Variants in ATP8A2 observed in about 807,000 individuals in gnomAD.
The protein encoded by ATP8A2 is ATPase phospholipid transporting 8A2, also known as phospholipid-transporting ATPase IB.
A neutral mutation model predicts 165.6 loss-of-function variants in ATP8A2; 100 were observed. The observed-to-expected ratio is 0.60, with a 90% CI of 0.51 to 0.71. The LOEUF is 0.71. Ranked by LOEUF, ATP8A2 falls within the 30% of genes least tolerant of loss-of-function variation. The probability of loss-of-function intolerance (pLI) is 0.00; values close to 1 mark genes in which losing one functional copy is unlikely to be tolerated. For synonymous variants in ATP8A2, 543 were observed against 548.8 expected (o/e 0.99, Z 0.15); for missense variants, 1,227 against 1,479.5 (o/e 0.83, Z 2.80).
rs933182697 is a variant in ATP8A2, at chr13:26,024,928, G to A, written c.*4943G>A. 1.3e-5 allele frequency: 2 copies of A among 151,994 alleles called. No individual in the cohort carries two copies. Among genetic ancestry groups the A allele is most frequent in the African/African-American group, 4.8e-5 (2 of 41,350 alleles). The allele number at this position is 151,994 out of a possible 1,614,324, so 9.4% of individuals were successfully genotyped here. A position where few individuals can be genotyped will look rare whatever the true frequency, so the allele number is the denominator to read the frequency against. On this transcript the variant is annotated 3_prime_UTR_variant, in exon 37 of 37. Transcript: ENST00000381655. ...AATAACCCTGCCCAGGAAACTTGGGGGTCAAGAGAGCTTATCAAGAGCCTT... is the reference window on the plus strand; with the variant it reads ...AATAACCCTGCCCAGGAAACTTGGGAGTCAAGAGAGCTTATCAAGAGCCTT...
chr13:26,004,174 AT>A, intron 35 of ATP8A2, among the ~76,000 whole-genome samples: 1 of 151,894 alleles, frequency 6.6e-6, no homozygotes, highest in African/African-American at 2.4e-5. Context: ...ATTTACTTGT[AT>A]TTTCTGCAAT....
chr13:25,439,907 TAA>T (rs11312275), intron 1 of ATP8A2, among the ~76,000 whole-genome samples: 120 of 147,092 alleles, frequency 8.2e-4, no homozygotes, highest in African/African-American at 2.5e-3. Context: ...ACCCTGTCTA[TAA>T]AAAAAAAAAA....
In ATP8A2 at chr13:25,915,899, A is replaced by C. The variant is rs528432758; in HGVS notation, c.3184-45676A>C. On this transcript the variant is annotated intron_variant, in intron 33 of 36. Coordinates refer to ENST00000381655, the MANE Select transcript of ATP8A2 (RefSeq NM_016529.6). ...GACTAAAATTATGTTGTTCTCTACC[A>C]GTGCGTTGGTCCATTTATCATAATG... Among the ~76,000 whole-genome samples, 3 of 152,386 alleles carry C rather than the reference A, an allele frequency of 2.0e-5. No individual in the cohort carries two copies. The South Asian group carries it at 6.2e-4, about 32-fold the overall frequency.
chr13:25,976,876 C>T (rs899184081), intron 35 of ATP8A2, among the ~76,000 whole-genome samples: 1 of 152,154 alleles, frequency 6.6e-6, no homozygotes, highest in Admixed American at 6.5e-5. Flanking sequence ...GCAACCTCTG[C>T]CTCCCAGGTT....
chr13:25,666,672 G>C (rs557149420), intron 24 of ATP8A2, among the ~76,000 whole-genome samples: 1 of 151,876 alleles, frequency 6.6e-6, no homozygotes, highest in East Asian at 1.9e-4. Context: ...CCTTTTTTTT[G>C]TTACATATGT....
chr13:26,008,697 T>C (rs993020878), intron 35 of ATP8A2, among the ~76,000 whole-genome samples: 13 of 152,156 alleles, frequency 8.5e-5, no homozygotes, highest in African/African-American at 3.1e-4. Context: ...GGAATTATTG[T>C]AAAAGCAACC....
intron 2 of ATP8A2, among the ~76,000 whole-genome samples, chr13:25,474,678 T>A (rs1458526810): frequency 6.6e-6 from 1 of 151,698 alleles, no homozygotes; most frequent in Non-Finnish European, 1.5e-5. Context: ...CCTAATTTTT[T>A]TTTTAACCTT....
chr13:25,745,928 C>G (rs1007862741), intron 25 of ATP8A2, among the ~76,000 whole-genome samples: 2 of 152,292 alleles, frequency 1.3e-5, no homozygotes, highest in Non-Finnish European at 2.9e-5. Flanking sequence ...CTGAATGTGA[C>G]AGCATGCTAG....
intron 33 of ATP8A2, among the ~76,000 whole-genome samples, chr13:25,883,985 T>C (rs1425897640): frequency 2.0e-5 from 3 of 152,144 alleles, no homozygotes; most frequent in Admixed American, 2.0e-4. Flanking sequence ...GGTTATTTTA[T>C]CCCTTTTGTG....
At chr13:25,712,231 G>T (rs187764509) in intron 25 of ATP8A2, among the ~76,000 whole-genome samples, 166 of 152,188 alleles carry the variant, frequency 1.1e-3, no homozygotes, top group African/African-American at 3.9e-3. Context: ...TGGCTTAATG[G>T]GTCAGGGGTG....
At chr13:25,595,161 A>G (rs2040204049) in intron 24 of ATP8A2, among the ~76,000 whole-genome samples, 2 of 152,192 alleles carry the variant, frequency 1.3e-5, no homozygotes, top group South Asian at 4.1e-4. Flanking sequence ...ATTTGGATAA[A>G]AGTGTAGTTT....
intron 33 of ATP8A2, among the ~76,000 whole-genome samples, chr13:25,942,770 A>T (rs1392269578): frequency 6.6e-6 from 1 of 152,166 alleles, no homozygotes; most frequent in Admixed American, 6.5e-5. Flanking sequence ...TATGTTCTCT[A>T]AAAACTAATC....
At chr13:25,564,156 G>T in intron 16 of ATP8A2, 125 bp downstream of exon 16, 1 of 693,110 alleles carries the variant, frequency 1.4e-6, no homozygotes. Context: ...TTGATGATGT[G>T]AGTCCTTCTG....
At position 26,009,775 on chromosome 13, in the gene ATP8A2, C is replaced by A. The variant is rs191811638; in HGVS notation, c.3378-2756C>A. On this transcript the variant is annotated intron_variant, in intron 35 of 36. Transcript: ENST00000381655. Reference sequence around the variant, plus strand: ...AAGAAGTCACATTTTTAAATAATATCTCATTATAGGCTGAGCACAGTGGCT... The same window carrying A: ...AAGAAGTCACATTTTTAAATAATATATCATTATAGGCTGAGCACAGTGGCT... Among the ~76,000 whole-genome samples, 16 of 152,300 alleles carry A rather than the reference C, an allele frequency of 1.1e-4. No individual in the cohort carries two copies. In the East Asian group the frequency reaches 3.1e-3, roughly 29 times the overall value.
At chr13:25,533,774 T>C (rs1271975434) in intron 6 of ATP8A2, among the ~76,000 whole-genome samples, 1 of 152,188 alleles carries the variant, frequency 6.6e-6, no homozygotes, top group Non-Finnish European at 1.5e-5. Flanking sequence ...AAAGCTTTGC[T>C]TCCACGTCCC....
chr13:25,403,833 G>A (rs1414357044), intron 1 of ATP8A2, among the ~76,000 whole-genome samples: 1 of 152,174 alleles, frequency 6.6e-6, no homozygotes, highest in African/African-American at 2.4e-5. Flanking sequence ...AGTTGGGAGT[G>A]TCCATGAAAA....
At chr13:25,962,922 A>G (rs957573244) in intron 34 of ATP8A2, among the ~76,000 whole-genome samples, 2 of 152,078 alleles carry the variant, frequency 1.3e-5, no homozygotes, top group Non-Finnish European at 2.9e-5. Flanking sequence ...CCTGTTCACT[A>G]AGTTTTTTAA....
chr13:25,762,205 G>T (rs1411764874), intron 25 of ATP8A2, among the ~76,000 whole-genome samples: 1 of 136,578 alleles, frequency 7.3e-6, no homozygotes, highest in African/African-American at 2.7e-5. Context: ...GGAGGCGGAG[G>T]TTGCAGTGAG....
At chr13:25,686,120 G>C (rs2042595533) in intron 24 of ATP8A2, among the ~76,000 whole-genome samples, 1 of 152,192 alleles carries the variant, frequency 6.6e-6, no homozygotes. Flanking sequence ...TTCTCTGGGT[G>C]GTGTTCCATA....
Sources: gnomAD v4.1 joint callset for allele counts (sites outside exome capture counted in the v4.1 genomes callset) on GRCh38, gnomAD v4.1.1 for gene constraint, MANE v1.5 for transcripts, NCBI Gene and HGNC (gene_info 2026-07-23, HGNC 2026-07-21) for gene names.